Variants in DMRTB1 observed in about 807,000 individuals in gnomAD.
DMRTB1 encodes DMRT like family B with proline rich C-terminal 1.
A neutral mutation model predicts 25.2 loss-of-function variants in DMRTB1; 9 were observed. The observed-to-expected ratio is 0.36, with a 90% CI of 0.22 to 0.62. The LOEUF is 0.62. Among genes scored for constraint, DMRTB1 ranks in the 20% least tolerant of loss-of-function variants. DMRTB1 has a pLI of 0.71. For synonymous variants in DMRTB1, 269 were observed against 238.1 expected (o/e 1.13, Z -1.20); for missense variants, 551 against 499.3 (o/e 1.10, Z -0.99).
chr1:53,463,006 C>T (rs960049018), intron 2 of DMRTB1, among the ~76,000 whole-genome samples: 7 of 152,244 alleles, frequency 4.6e-5, no homozygotes, highest in African/African-American at 9.6e-5. Flanking sequence ...GCCTGCCAGA[C>T]GGCCTTTGTT....
rs1312443670 is a variant in DMRTB1 at position 53,459,779 on chromosome 1, C to A, written c.326C>A (p.Pro109Gln). The A allele has an allele frequency of 3.6e-6, 5 of 1,386,508 alleles. No individual in the cohort carries two copies. Among genetic ancestry groups the A allele is most frequent in the Admixed American group, 6.7e-5 (2 of 29,784 alleles). 85.9% of individuals were successfully genotyped at this position (1,386,508 alleles called of 1,614,324 possible). Residue 109 changes from proline (P) to glutamine (Q), a missense_variant, in exon 1 of 4, where the codon CCG becomes CAG. Coordinates refer to ENST00000371445, the MANE Select transcript of DMRTB1 (RefSeq NM_033067.3). ...SPGTPSGDAD[P>Q]GPEGRAAACF... ...GGGACTCCCTCCGGAGACGCCGACC[C>A]GGGACCCGAGGGCCGCGCGGCCGCT...
In DMRTB1 at chr1:53,459,934, C is replaced by T. The variant is rs1416891421; in HGVS notation, c.481C>T (p.Pro161Ser). Residue 161 changes from proline to serine, a missense_variant, in exon 1 of 4, where the codon CCT becomes TCT. Pro to Ser is a moderately conservative substitution (Grantham distance 74). Coordinates refer to ENST00000371445, the MANE Select transcript of DMRTB1 (RefSeq NM_033067.3). ...GGCGATGCCCAGCCTTGCGGGACCCCCTTTTGGGGCGGAGGCCGCAGGCAG... is the reference window on the plus strand; with the variant it reads ...GGCGATGCCCAGCCTTGCGGGACCCTCTTTTGGGGCGGAGGCCGCAGGCAG... ...AVAMPSLAGP[P>S]FGAEAAGSGY... The T allele has an allele frequency of 6.4e-7, 1 of 1,565,156 alleles. No homozygotes were observed. The highest frequency in any genetic ancestry group is 2.4e-5 in the East Asian group (1 of 41,736).
chr1:53,459,782 G>A lies in DMRTB1; in HGVS notation c.329G>A (p.Gly110Glu). The change falls in exon 1 of 4, where the codon GGA becomes GAA. Residue 110 changes from glycine (G) to glutamate (E), a missense_variant. Coordinates refer to ENST00000371445, the MANE Select transcript of DMRTB1 (RefSeq NM_033067.3). ...ACTCCCTCCGGAGACGCCGACCCGG[G>A]ACCCGAGGGCCGCGCGGCCGCTTGC... is the stretch of plus-strand genomic sequence containing the variant. ...PGTPSGDADP[G>E]PEGRAAACFF... The A allele has an allele frequency of 7.2e-7, 1 of 1,388,864 alleles. No individual in the cohort carries two copies. The highest frequency in any genetic ancestry group is 3.4e-5 in the East Asian group (1 of 29,664). 86.0% of individuals were successfully genotyped at this position (1,388,864 alleles called of 1,614,324 possible).
chr1:53,464,941 G>C (rs964733737), intron 3 of DMRTB1, 94 bp downstream of exon 3: 38 of 1,539,620 alleles, frequency 2.5e-5, no homozygotes, highest in Non-Finnish European at 3.2e-5. Context: ...GGTGTGGAGA[G>C]AAGGGACATG....
rs548528850 is a variant in DMRTB1, at chr1:53,463,900, G to A, written c.751-737G>A. On this transcript the variant is annotated intron_variant, in intron 2 of 3. Transcript: ENST00000371445. ...GTTTCTTGGTTAAGCTCTGAGTTGT[G>A]CAGTCATCCCCTCTCCAGATCCTCT... 4.6e-5 allele frequency among the ~76,000 whole-genome samples: 7 copies of A among 152,318 alleles called. No homozygotes were observed. The East Asian group carries it at 1.2e-3, about 25-fold the overall frequency.
chr1:53,464,524 C>A, intron 2 of DMRTB1, 113 bp from the exon 3 acceptor site: 1 of 1,515,028 alleles, frequency 6.6e-7, no homozygotes, highest in Non-Finnish European at 9.1e-7. Flanking sequence ...GTGTTTGGGG[C>A]CGTGCATCTA....
At chr1:53,460,570 G>T in intron 1 of DMRTB1, 1 of 153,100 alleles carries the variant, frequency 6.5e-6, no homozygotes, top group Non-Finnish European at 1.5e-5. Context: ...GGTGAGGGGA[G>T]CCTGCTTCTT....
At chr1:53,464,930 A>G (rs1341145174) in intron 3 of DMRTB1, 83 bp downstream of exon 3, 10 of 1,570,330 alleles carry the variant, frequency 6.4e-6, no homozygotes, top group Admixed American at 3.3e-5. Flanking sequence ...AAGAAAGGTT[A>G]GGTGTGGAGA....
chr1:53,464,774 C>CCCGCCA lies in DMRTB1; in HGVS notation c.897_902dup (p.Pro303_Pro304dup), dbSNP rs746978994. ...ACCTCTCTGCGCTCCACTTCCTCCCCCCGCCACCGCCACCACCACCTCCAT... is the reference window on the plus strand; with the variant it reads ...ACCTCTCTGCGCTCCACTTCCTCCCCCCGCCACCGCCACCGCCACCACCACCTCCAT... On this transcript the variant is annotated inframe_insertion, in exon 3 of 4. Transcript: ENST00000371445. 6.8e-6 allele frequency: 11 copies of CCCGCCA among 1,613,636 alleles called. No homozygotes were observed. Among genetic ancestry groups the CCCGCCA allele is most frequent in the Non-Finnish European group, 9.3e-6 (11 of 1,179,720 alleles).
rs1557921414 is a variant in DMRTB1 at position 53,459,830 on chromosome 1, GCCGGAACC to G, written c.382_389del (p.Asn128ProfsTer77). ...TGCTTCTTCGAGCAGCCCCCGCGGG[GCCGGAACC>G]CCGGCCCGAGAGCCCTCCAGCCGGT... is the stretch of plus-strand genomic sequence containing the variant. On this transcript the variant is annotated frameshift_variant, in exon 1 of 4. Transcript: ENST00000371445. LOFTEE classifies it high-confidence loss of function. The G allele has an allele frequency of 6.8e-7, 1 of 1,470,322 alleles. No homozygotes were observed. Among genetic ancestry groups the G allele is most frequent in the Non-Finnish European group, 8.9e-7 (1 of 1,119,258 alleles). 91.1% of individuals were successfully genotyped at this position (1,470,322 alleles called of 1,614,324 possible).
chr1:53,460,092 T>A, intron 1 of DMRTB1, 62 bp downstream of exon 1: 1 of 1,480,020 alleles, frequency 6.8e-7, no homozygotes, highest in Non-Finnish European at 8.9e-7. Context: ...CCAGCCCGGA[T>A]GGGGAGCTGG....
Position 53,459,694 on chromosome 1 carries a change from G to C in DMRTB1, c.241G>C (p.Ala81Pro). Residue 81 changes from alanine to proline, a missense_variant, in exon 1 of 4, where the codon GCG becomes CCG. Transcript: ENST00000371445. Reference sequence around the variant, plus strand: ...GGGGCCCAAGCAGGCCTCCGGGGCTGCGGCCGCCGCCCCCGCCCCCGTCCC... The same window carrying C: ...GGGGCCCAAGCAGGCCTCCGGGGCTCCGGCCGCCGCCCCCGCCCCCGTCCC... ...AQGPKQASGA[A>P]AAAPAPVPVP... 6.7e-7 allele frequency: 1 copy of C among 1,496,174 alleles called. No homozygotes were observed. Among genetic ancestry groups the C allele is most frequent in the East Asian group, 2.7e-5 (1 of 36,890 alleles). The allele number at this position is 1,496,174 out of a possible 1,614,324, so 92.7% of individuals were successfully genotyped here.
At chr1:53,461,200 G>C (rs1288630) in intron 1 of DMRTB1, among the ~76,000 whole-genome samples, 42,146 of 152,158 alleles carry the variant, frequency 0.28, 9,254 homozygotes, top group African/African-American at 0.61. Flanking sequence ...TGAGGCCTCA[G>C]AGAGGCAGAG....
At position 53,460,047 on chromosome 1, in the gene DMRTB1, G is replaced by C. The variant is rs1427202069; in HGVS notation, c.577+17G>C. On this transcript the variant is annotated intron_variant, in intron 1 of 3. Coordinates refer to ENST00000371445, the MANE Select transcript of DMRTB1 (RefSeq NM_033067.3). ...CCGACTTTGGTAAGTCGTGGCCTTG[G>C]TCCCGCGGTCGACTCCCGGAGCTGG... is the stretch of plus-strand genomic sequence containing the variant. The C allele has an allele frequency of 4.5e-6, 7 of 1,546,368 alleles. No individual in the cohort carries two copies. Among genetic ancestry groups the C allele is most frequent in the Middle Eastern group, 2.0e-4 (1 of 4,886 alleles).
Position 53,467,437 on chromosome 1 carries a change from C to T in DMRTB1, c.*775C>T, listed in dbSNP as rs960886199. 2.6e-5 allele frequency: 4 copies of T among 152,272 alleles called. No individual in the cohort carries two copies. The highest frequency in any genetic ancestry group is 9.6e-5 in the African/African-American group (4 of 41,462). 9.4% of individuals were successfully genotyped at this position (152,272 alleles called of 1,614,324 possible). ...TGCTTCTGATCACCTGTGACATGAA[C>T]AGTTTCTTCTGTGAGGACAGTTGGC... On this transcript the variant is annotated 3_prime_UTR_variant, in exon 4 of 4. Transcript: ENST00000371445.
At chr1:53,461,766 C>G in intron 2 of DMRTB1, 121 bp downstream of exon 2, 1 of 1,246,400 alleles carries the variant, frequency 8.0e-7, no homozygotes, top group Non-Finnish European at 1.1e-6. Context: ...TGCCAGCCCC[C>G]GAGTGCTGGT....
intron 1 of DMRTB1, chr1:53,460,285 G>T: frequency 4.5e-6 from 2 of 447,768 alleles, no homozygotes; most frequent in Non-Finnish European, 7.6e-6. Context: ...ATTCCGGCAT[G>T]CAAGAACAAA....
Position 53,459,801 on chromosome 1 carries a change from C to A in DMRTB1, c.348C>A (p.Ala116=), listed in dbSNP as rs1394059078. 8 of 1,427,378 alleles carry A rather than the reference C, an allele frequency of 5.6e-6. No homozygotes were observed. The Admixed American group carries it at 2.0e-4, about 36-fold the overall frequency. 88.4% of individuals were successfully genotyped at this position (1,427,378 alleles called of 1,614,324 possible). Reference sequence around the variant, plus strand: ...ACCCGGGACCCGAGGGCCGCGCGGCCGCTTGCTTCTTCGAGCAGCCCCCGC... The same window carrying A: ...ACCCGGGACCCGAGGGCCGCGCGGCAGCTTGCTTCTTCGAGCAGCCCCCGC... ...DADPGPEGRA[A]ACFFEQPPRG... The change falls in exon 1 of 4, where the codon GCC becomes GCA. Residue 116 remains alanine, a synonymous_variant. Coordinates refer to ENST00000371445, the MANE Select transcript of DMRTB1 (RefSeq NM_033067.3).
At position 53,459,777 on chromosome 1, in the gene DMRTB1, C is replaced by T; in HGVS notation, c.324C>T (p.Asp108=). 3.6e-6 allele frequency: 5 copies of T among 1,385,706 alleles called. No individual in the cohort carries two copies. Among genetic ancestry groups the T allele is most frequent in the Non-Finnish European group, 4.7e-6 (5 of 1,072,594 alleles). 85.8% of individuals were successfully genotyped at this position (1,385,706 alleles called of 1,614,324 possible). ...CGGGGACTCCCTCCGGAGACGCCGACCCGGGACCCGAGGGCCGCGCGGCCG... is the reference window on the plus strand; with the variant it reads ...CGGGGACTCCCTCCGGAGACGCCGATCCGGGACCCGAGGGCCGCGCGGCCG... The part of the protein sequence containing the change: ...LSPGTPSGDA[D]PGPEGRAAAC... The change falls in exon 1 of 4, where the codon GAC becomes GAT. Residue 108 remains aspartate, a synonymous_variant. Coordinates refer to ENST00000371445, the MANE Select transcript of DMRTB1 (RefSeq NM_033067.3).
Sources: gnomAD v4.1 joint callset for allele counts (sites outside exome capture counted in the v4.1 genomes callset) on GRCh38, gnomAD v4.1.1 for gene constraint, MANE v1.5 for transcripts, NCBI Gene and HGNC (gene_info 2026-07-23, HGNC 2026-07-21) for gene names.